The following CCDC47 variants were observed in gnomAD, a reference collection of about 807,000 sequenced individuals.
CCDC47 encodes PAT complex subunit CCDC47.
Under a neutral mutation model 60.5 loss-of-function variants are expected in CCDC47, and 41 were observed. The observed-to-expected ratio is 0.68, with a 90% CI of 0.53 to 0.88. The LOEUF (loss-of-function observed/expected upper bound fraction) is 0.88, where lower values mean the gene tolerates loss of function less well. CCDC47 is among the 40% of genes least tolerant of loss of function. CCDC47 has a pLI of 0.00. For synonymous variants in CCDC47, 195 were observed against 190.7 expected (o/e 1.02, Z -0.18); for missense variants, 513 against 580.9 (o/e 0.88, Z 1.20).
chr17:63,766,445 C>T (rs111268134), intron 1 of CCDC47, among the ~76,000 whole-genome samples: 2,708 of 151,904 alleles, frequency 0.018, 97 homozygotes, highest in African/African-American at 0.062. Context: ...TTTTTTGAGA[C>T]GGAGTTTTGC....
intron 12 of CCDC47, among the ~76,000 whole-genome samples, chr17:63,750,703 G>T (rs1032325523): frequency 1.3e-5 from 2 of 151,800 alleles, no homozygotes; most frequent in African/African-American, 4.8e-5. Context: ...TCCTGCCTCA[G>T]CCTCCTGAGT....
chr17:63,760,062 C>CAAAAAAAAAAAAA (rs10643408), intron 6 of CCDC47, among the ~76,000 whole-genome samples: 8 of 98,388 alleles, frequency 8.1e-5, no homozygotes, highest in East Asian at 2.9e-4. Flanking sequence ...GACTCCGTCT[C>CAAAAAAAAAAAAA]AAAAAAAAAA....
intron 11 of CCDC47, 25 bp downstream of exon 11, chr17:63,752,295 A>C: frequency 6.5e-7 from 1 of 1,535,032 alleles, no homozygotes; most frequent in Non-Finnish European, 9.0e-7. Context: ...GTGCCAATTT[A>C]TATAATACAG....
chr17:63,761,138 T>C lies in CCDC47; in HGVS notation c.669+92A>G. The C allele has an allele frequency of 8.5e-6, 13 of 1,520,494 alleles. No homozygotes were observed. The South Asian group carries it at 1.0e-4, about 12-fold the overall frequency. The allele number at this position is 1,520,494 out of a possible 1,614,324, so 94.2% of individuals were successfully genotyped here. ...TTTAGACCTCATTTTAAGTCAAACA[T>C]GAAGGGATAAGATGCTGAATTGGGG... On this transcript the variant is annotated intron_variant, in intron 5 of 12. Coordinates refer to ENST00000225726, the MANE Select transcript of CCDC47 (RefSeq NM_020198.3).
chr17:63,754,569 CT>C lies in CCDC47; in HGVS notation c.949-52del, dbSNP rs552853082. On this transcript the variant is annotated intron_variant, in intron 8 of 12. Coordinates refer to ENST00000225726, the MANE Select transcript of CCDC47 (RefSeq NM_020198.3). ...TAAAAGCAAGGTTTAATGCATTTCC[CT>C]TTTTTTCCTAAAGATATTCACTCTT... 478 of 1,186,434 alleles carry C rather than the reference CT, an allele frequency of 4.0e-4. No individual in the cohort carries two copies. The African/African-American group carries it at 6.1e-3, about 15-fold the overall frequency. The allele number at this position is 1,186,434 out of a possible 1,614,324, so 73.5% of individuals were successfully genotyped here.
At chr17:63,748,992 C>T (rs547506424) in intron 12 of CCDC47, among the ~76,000 whole-genome samples, 10 of 138,508 alleles carry the variant, frequency 7.2e-5, no homozygotes, top group Non-Finnish European at 1.4e-4. Flanking sequence ...CCAGCCTGGG[C>T]GACAGAGTGA....
Position 63,764,050 on chromosome 17 carries a change from A to C in CCDC47, c.513T>G (p.His171Gln). Residue 171 changes from histidine to glutamine, a missense_variant, in exon 4 of 13, where the codon CAT (histidine) becomes CAG (glutamine). Transcript: ENST00000225726. Reference protein sequence around the residue: ...SRLAQAWFNTHRELLESNFTL... With the variant: ...SRLAQAWFNTQRELLESNFTL... ...TAAAGTTGCTCTCCAAAAGCTCCCT[A>C]TGAGTGTTAAACCAGGCCTGTGCAA... 1 of 1,607,148 alleles carries C rather than the reference A, an allele frequency of 6.2e-7. No individual in the cohort carries two copies. Among genetic ancestry groups the C allele is most frequent in the Non-Finnish European group, 8.5e-7 (1 of 1,178,356 alleles).
intron 1 of CCDC47, chr17:63,766,770 A>G (rs1304807768): frequency 3.6e-5 from 34 of 939,910 alleles, no homozygotes; most frequent in Non-Finnish European, 4.3e-5. Flanking sequence ...AACTCTGTCC[A>G]TTTACATAGA....
At chr17:63,754,891 GA>G (rs368843852) in intron 8 of CCDC47, among the ~76,000 whole-genome samples, 296 of 113,938 alleles carry the variant, frequency 2.6e-3, no homozygotes, top group Non-Finnish European at 3.5e-3. Flanking sequence ...TCAAAAAAAA[GA>G]AAAAAAAAAA....
chr17:63,768,223 C>T (rs1259535823), intron 1 of CCDC47, among the ~76,000 whole-genome samples: 2 of 152,304 alleles, frequency 1.3e-5, no homozygotes, highest in African/African-American at 2.4e-5. Context: ...CTAAGCATAT[C>T]GCCACAGTAG....
At chr17:63,768,021 C>T (rs955258343) in intron 1 of CCDC47, among the ~76,000 whole-genome samples, 5 of 152,140 alleles carry the variant, frequency 3.3e-5, no homozygotes, top group African/African-American at 7.2e-5. Context: ...TAAATGGTAT[C>T]GTCTTAATGC....
At chr17:63,748,067 C>A (rs1379560875) in intron 12 of CCDC47, among the ~76,000 whole-genome samples, 3 of 147,766 alleles carry the variant, frequency 2.0e-5, no homozygotes, top group African/African-American at 8.0e-5. Flanking sequence ...GTTGGCCAGG[C>A]TGGTCTCAAA....
chr17:63,752,248 G>C lies in CCDC47; in HGVS notation c.1203+72C>G. 3 of 1,405,936 alleles carry C rather than the reference G, an allele frequency of 2.1e-6. No individual in the cohort carries two copies. In the East Asian group the frequency reaches 6.8e-5, roughly 32 times the overall value. The allele number at this position is 1,405,936 out of a possible 1,614,324, so 87.1% of individuals were successfully genotyped here. ...CAAAAATTCAGTCACTGAAATCATT[G>C]ATAGCTGCCCTCCCCCTTGAGAAGA... On this transcript the variant is annotated intron_variant, in intron 11 of 12. Coordinates refer to ENST00000225726, the MANE Select transcript of CCDC47 (RefSeq NM_020198.3).
intron 5 of CCDC47, 93 bp downstream of exon 5, chr17:63,761,137 A>G (rs1481525403): frequency 3.3e-6 from 5 of 1,521,384 alleles, no homozygotes; most frequent in Non-Finnish European, 2.7e-6. Flanking sequence ...TAAGTCAAAC[A>G]TGAAGGGATA....
intron 1 of CCDC47, among the ~76,000 whole-genome samples, chr17:63,769,963 T>TC (rs1271476371): frequency 1.6e-5 from 1 of 62,862 alleles, no homozygotes; most frequent in African/African-American, 2.8e-4. Flanking sequence ...TTTTCTTTCT[T>TC]TTTTTTTTTT....
Position 63,756,673 on chromosome 17 carries a change from T to G in CCDC47, c.736-103A>C, listed in dbSNP as rs151070643. 5.2e-4 allele frequency: 385 copies of G among 745,692 alleles called. 2 individuals carry two copies. The African/African-American group carries it at 5.5e-3, about 11-fold the overall frequency. 46.2% of individuals were successfully genotyped at this position (745,692 alleles called of 1,614,324 possible). ...ATTCCCTCCCCGCTGGTGCATATAC[T>G]CTCCCTTTAAGTGATTGGGATTTGC... is the stretch of plus-strand genomic sequence containing the variant. On this transcript the variant is annotated intron_variant, in intron 6 of 12. Coordinates refer to ENST00000225726, the MANE Select transcript of CCDC47 (RefSeq NM_020198.3).
chr17:63,757,175 A>C (rs1266909166), intron 6 of CCDC47, among the ~76,000 whole-genome samples: 1 of 148,856 alleles, frequency 6.7e-6, no homozygotes, highest in Non-Finnish European at 1.5e-5. Context: ...AGCCTAGGCA[A>C]CATAATGGGA....
chr17:63,751,743 T>A, intron 12 of CCDC47, 197 bp downstream of exon 12: 1 of 652,130 alleles, frequency 1.5e-6, no homozygotes, highest in Non-Finnish European at 2.7e-6. Flanking sequence ...ATTTTTCACG[T>A]TCACAGACTC....
At chr17:63,768,748 C>T (rs1050613548) in intron 1 of CCDC47, among the ~76,000 whole-genome samples, 3 of 152,070 alleles carry the variant, frequency 2.0e-5, no homozygotes, top group African/African-American at 4.8e-5. Context: ...AAAATTGTTA[C>T]ACAGCCTGGG....
Sources: gnomAD v4.1 joint callset for allele counts (sites outside exome capture counted in the v4.1 genomes callset) on GRCh38, gnomAD v4.1.1 for gene constraint, MANE v1.5 for transcripts, NCBI Gene and HGNC (gene_info 2026-07-23, HGNC 2026-07-21) for gene names.